The following TEX36 variants were observed in gnomAD, a reference collection of about 807,000 sequenced individuals.
TEX36 encodes the protein testis-expressed protein 36.
A neutral mutation model predicts 13.6 loss-of-function variants in TEX36; 12 were observed. The ratio of observed to expected loss-of-function variants is 0.88; its 90% CI spans 0.56 to 1.43. The LOEUF (loss-of-function observed/expected upper bound fraction) is 1.43. Among genes scored for constraint, TEX36 ranks in the 40% most tolerant of loss-of-function variants. The probability of loss-of-function intolerance (pLI) is 0.00; values close to 1 mark genes in which losing one functional copy is unlikely to be tolerated. For synonymous variants in TEX36, 93 were observed against 83.0 expected (o/e 1.12, Z -0.65); for missense variants, 224 against 228.3 (o/e 0.98, Z 0.12).
intron 1 of TEX36, among the ~76,000 whole-genome samples, chr10:125,681,608 T>C (rs1309961455): frequency 1.3e-5 from 2 of 152,366 alleles, no homozygotes; most frequent in East Asian, 3.9e-4. Flanking sequence ...GCCTCTTCTC[T>C]TTCTAAAGTA....
At chr10:125,581,212 G>A (rs537964283) in intron 3 of TEX36, among the ~76,000 whole-genome samples, 32 of 152,280 alleles carry the variant, frequency 2.1e-4, no homozygotes, top group East Asian at 1.7e-3. Context: ...AGGGAGATTA[G>A]GTTCCCAGGG....
At chr10:125,637,592 T>C (rs1311444697) in intron 3 of TEX36, among the ~76,000 whole-genome samples, 1 of 152,128 alleles carries the variant, frequency 6.6e-6, no homozygotes, top group Non-Finnish European at 1.5e-5. Flanking sequence ...GTCTTTTAGA[T>C]ATACATTTCC....
chr10:125,576,691 C>A (rs1845827968), exon 4 of TEX36: 1 of 1,526,174 alleles, frequency 6.6e-7, no homozygotes, highest in African/African-American at 1.4e-5. Context: ...CCAACTAATA[C>A]ACATTCTATT....
At chr10:125,632,892 G>A (rs1451344675) in intron 3 of TEX36, among the ~76,000 whole-genome samples, 1 of 152,194 alleles carries the variant, frequency 6.6e-6, no homozygotes, top group Admixed American at 6.5e-5. Flanking sequence ...GGGAGGCCAA[G>A]GCAGGTGGAT....
chr10:125,608,057 G>C (rs1440689099), intron 3 of TEX36, among the ~76,000 whole-genome samples: 9 of 152,150 alleles, frequency 5.9e-5, no homozygotes. Context: ...ACACAGATCT[G>C]GCTCTCACAG....
chr10:125,657,805 A>C (rs1238857453), intron 3 of TEX36, among the ~76,000 whole-genome samples: 1 of 152,228 alleles, frequency 6.6e-6, no homozygotes, highest in African/African-American at 2.4e-5. Flanking sequence ...GCCCTGGAAC[A>C]GGAAGTGAGT....
intron 3 of TEX36, among the ~76,000 whole-genome samples, chr10:125,660,544 C>A (rs1051295514): frequency 6.6e-6 from 1 of 152,184 alleles, no homozygotes; most frequent in Non-Finnish European, 1.5e-5. Flanking sequence ...GCTGTGTGAA[C>A]CACCACTGTA....
At chr10:125,678,827 G>A (rs989939628) in intron 1 of TEX36, among the ~76,000 whole-genome samples, 3 of 152,104 alleles carry the variant, frequency 2.0e-5, no homozygotes, top group East Asian at 1.9e-4. Flanking sequence ...GTGAGGCTCT[G>A]TGTTCTGTCA....
At chr10:125,613,090 GCA>G (rs1846310192) in intron 3 of TEX36, among the ~76,000 whole-genome samples, 1 of 151,880 alleles carries the variant, frequency 6.6e-6, no homozygotes, top group Admixed American at 6.6e-5. Context: ...CAGAACAGTA[GCA>G]GAGTGTCGTG....
chr10:125,660,102 T>C (rs1255971645), intron 3 of TEX36, among the ~76,000 whole-genome samples: 1 of 152,184 alleles, frequency 6.6e-6, no homozygotes, highest in Non-Finnish European at 1.5e-5. Flanking sequence ...ATGGGCAATT[T>C]GGAGAATTAT....
chr10:125,668,022 G>C, intron 1 of TEX36: 2 of 683,978 alleles, frequency 2.9e-6, no homozygotes, highest in Admixed American at 4.7e-5. Flanking sequence ...GAGGCCCTTG[G>C]TTGTCAACAG....
At chr10:125,639,142 C>T (rs1208971015) in intron 3 of TEX36, among the ~76,000 whole-genome samples, 8 of 152,200 alleles carry the variant, frequency 5.3e-5, no homozygotes, top group African/African-American at 1.2e-4. Context: ...TTTGCTCTTA[C>T]ACATATATCC....
Position 125,625,987 on chromosome 10 carries a change from C to T in TEX36, c.265-4342G>A, listed in dbSNP as rs186444883. On this transcript the variant is annotated intron_variant, in intron 3 of 3. Coordinates refer to the TEX36 transcript ENST00000526819. ...CCATGAAGGAGGCATTACCCATCAC[C>T]TGCTCTCGTAGACACCTTCAGGGAC... Among the ~76,000 whole-genome samples, 196 of 152,362 alleles carry T rather than the reference C, an allele frequency of 1.3e-3. 1 individual carries two copies. The highest frequency in any genetic ancestry group is 1.4e-3 in the Admixed American group (22 of 15,308).
Position 125,656,170 on chromosome 10 carries a change from T to G in TEX36, c.291A>C (p.Pro97=), listed in dbSNP as rs754179260. The change falls in exon 4 of 4, where the codon CCA becomes CCC. Residue 97 remains proline (P), a synonymous_variant. Coordinates refer to ENST00000368821, the MANE Select transcript of TEX36 (RefSeq NM_001128202.3). ...TTCTTGAAACATGTTGCCTCTTATC[T>G]GGAGAGATCTTCTTACGTCCCAGGC... is the stretch of plus-strand genomic sequence containing the variant. ...DSGLGRKKIS[P]DKRQHVSRNF... 1 of 1,527,592 alleles carries G rather than the reference T, an allele frequency of 6.5e-7. No homozygotes were observed. Among genetic ancestry groups the G allele is most frequent in the South Asian group, 1.2e-5 (1 of 81,152 alleles). 94.6% of individuals were successfully genotyped at this position (1,527,592 alleles called of 1,614,324 possible). A position where few individuals can be genotyped will look rare whatever the true frequency, so the allele number is the denominator to read the frequency against.
At chr10:125,579,370 G>T (rs1176655106) in intron 3 of TEX36, among the ~76,000 whole-genome samples, 1 of 152,114 alleles carries the variant, frequency 6.6e-6, no homozygotes, top group Non-Finnish European at 1.5e-5. Flanking sequence ...AAACCACCAG[G>T]TCTCATGAGA....
chr10:125,596,898 T>C (rs1846086159), intron 3 of TEX36, among the ~76,000 whole-genome samples: 1 of 152,192 alleles, frequency 6.6e-6, no homozygotes, highest in Non-Finnish European at 1.5e-5. Context: ...TAAAAAGCAG[T>C]TGTGTAAATT....
At chr10:125,593,034 C>G (rs1365534229) in intron 3 of TEX36, among the ~76,000 whole-genome samples, 1 of 152,120 alleles carries the variant, frequency 6.6e-6, no homozygotes, top group Non-Finnish European at 1.5e-5. Context: ...ATTATGTAGG[C>G]GTGATGGATT....
chr10:125,627,142 A>G (rs297241), intron 3 of TEX36, among the ~76,000 whole-genome samples: 33,369 of 152,144 alleles, frequency 0.22, 5,778 homozygotes, highest in African/African-American at 0.48. Flanking sequence ...TTGAGAGAAA[A>G]AGATTTTTTA....
intron 3 of TEX36, among the ~76,000 whole-genome samples, chr10:125,640,856 T>C (rs1423600147): frequency 6.6e-6 from 1 of 152,140 alleles, no homozygotes; most frequent in Non-Finnish European, 1.5e-5. Flanking sequence ...GCTTGTTTTG[T>C]GGGTCTTAGG....
Sources: gnomAD v4.1 joint callset for allele counts (sites outside exome capture counted in the v4.1 genomes callset) on GRCh38, gnomAD v4.1.1 for gene constraint, MANE v1.5 for transcripts, NCBI Gene and HGNC (gene_info 2026-07-23, HGNC 2026-07-21) for gene names.